PITPNB: variants seen among roughly 807,000 people sequenced by gnomAD.
The protein encoded by PITPNB is phosphatidylinositol transfer protein beta isoform.
In PITPNB, 16 loss-of-function variants were observed where a neutral mutation model predicts 45.9. The observed-to-expected ratio is 0.35, with a 90% CI of 0.24 to 0.53. PITPNB has a LOEUF of 0.53. PITPNB is among the 20% of genes least tolerant of loss of function. The pLI, the probability that PITPNB is intolerant of heterozygous loss-of-function variation, is 0.93. For missense variants in PITPNB, 188 were observed against 330.5 expected (o/e 0.57, Z 3.34); for synonymous variants, 112 against 108.9 (o/e 1.03, Z -0.18).
chr22:27,892,738 T>G (rs1445195861), intron 7 of PITPNB, among the ~76,000 whole-genome samples: 1 of 152,210 alleles, frequency 6.6e-6, no homozygotes, highest in Non-Finnish European at 1.5e-5. Flanking sequence ...AAAAACTCCC[T>G]ATATAATGTC....
chr22:27,895,826 G>A (rs946245871), intron 6 of PITPNB, among the ~76,000 whole-genome samples: 3 of 152,082 alleles, frequency 2.0e-5, no homozygotes, highest in Admixed American at 1.3e-4. Context: ...ATTCTGGTTC[G>A]GTAGTTCTTG....
intron 8 of PITPNB, among the ~76,000 whole-genome samples, chr22:27,867,247 G>A (rs1934510124): frequency 1.3e-5 from 2 of 152,012 alleles, no homozygotes; most frequent in Admixed American, 1.3e-4. Flanking sequence ...AACAGGAGAT[G>A]GAGGAGGTGG....
intron 3 of PITPNB, among the ~76,000 whole-genome samples, chr22:27,907,393 T>C (rs1293702046): frequency 2.6e-5 from 4 of 152,216 alleles, no homozygotes; most frequent in South Asian, 2.1e-4. Context: ...GCTTTCAATG[T>C]TGACACTGAG....
intron 8 of PITPNB, among the ~76,000 whole-genome samples, chr22:27,863,836 C>T (rs1366200587): frequency 6.6e-6 from 1 of 152,208 alleles, no homozygotes; most frequent in African/African-American, 2.4e-5. Context: ...TTCTCACATT[C>T]TTTCTAGTGA....
intron 2 of PITPNB, among the ~76,000 whole-genome samples, chr22:27,912,221 G>A (rs1005827924): frequency 2.0e-5 from 3 of 152,182 alleles, no homozygotes; most frequent in African/African-American, 7.2e-5. Flanking sequence ...AAATCACATG[G>A]AGATATGATG....
chr22:27,884,704 T>C (rs1441775300), intron 7 of PITPNB, among the ~76,000 whole-genome samples: 1 of 152,094 alleles, frequency 6.6e-6, no homozygotes, highest in Non-Finnish European at 1.5e-5. Context: ...AGGGGAAAAA[T>C]TTCATTCTCT....
At chr22:27,907,139 A>G (rs1400547155) in intron 3 of PITPNB, among the ~76,000 whole-genome samples, 1 of 152,192 alleles carries the variant, frequency 6.6e-6, no homozygotes, top group African/African-American at 2.4e-5. Context: ...GTTGTTGAAA[A>G]AGCAAACATA....
chr22:27,858,625 C>T, intron 9 of PITPNB, 116 bp from the exon 10 acceptor site: 1 of 695,870 alleles, frequency 1.4e-6, no homozygotes, highest in East Asian at 2.9e-5. Flanking sequence ...TTCAAAAAGA[C>T]TACTCTGTAG....
At chr22:27,898,917 T>C (rs1935513993) in intron 3 of PITPNB, among the ~76,000 whole-genome samples, 1 of 152,226 alleles carries the variant, frequency 6.6e-6, no homozygotes. Context: ...AAAATCAGTC[T>C]TAACAGTCTT....
intron 11 of PITPNB, among the ~76,000 whole-genome samples, chr22:27,854,024 T>C (rs1934102661): frequency 2.0e-5 from 3 of 152,160 alleles, no homozygotes; most frequent in African/African-American, 7.2e-5. Context: ...ACAACTAGCT[T>C]TTCTCACAAC....
chr22:27,862,495 G>A (rs1383474188), intron 8 of PITPNB, among the ~76,000 whole-genome samples: 1 of 152,108 alleles, frequency 6.6e-6, no homozygotes, highest in Non-Finnish European at 1.5e-5. Flanking sequence ...ACATCAACGA[G>A]GTAACACCAG....
At chr22:27,873,337 T>C (rs557642738) in intron 8 of PITPNB, among the ~76,000 whole-genome samples, 12 of 152,328 alleles carry the variant, frequency 7.9e-5, no homozygotes, top group African/African-American at 2.4e-4. Flanking sequence ...TCCAAAAATA[T>C]AACTATTAAA....
Position 27,853,402 on chromosome 22 carries a change from T to C in PITPNB, c.*300A>G, listed in dbSNP as rs1934082633. 2.0e-6 allele frequency: 1 copy of C among 489,212 alleles called. No homozygotes were observed. 30.3% of individuals were successfully genotyped at this position (489,212 alleles called of 1,614,324 possible). A position where few individuals can be genotyped will look rare whatever the true frequency, so the allele number is the denominator to read the frequency against. On this transcript the variant is annotated 3_prime_UTR_variant, in exon 12 of 12. Transcript: ENST00000335272. ...GATAGGTACAGTACTTTGGAGAAATTGTACTAATCCCTTCAGTATGTCTGT... is the reference window on the plus strand; with the variant it reads ...GATAGGTACAGTACTTTGGAGAAATCGTACTAATCCCTTCAGTATGTCTGT...
chr22:27,912,983 C>CCAA (rs1555892472), intron 2 of PITPNB, among the ~76,000 whole-genome samples: 2 of 33,644 alleles, frequency 5.9e-5, no homozygotes, highest in Admixed American at 3.6e-4. Context: ...ACTCCATCTC[C>CCAA]AAAAAAAAAA....
chr22:27,870,953 G>A (rs1417116390), intron 8 of PITPNB, among the ~76,000 whole-genome samples: 5 of 152,128 alleles, frequency 3.3e-5, no homozygotes, highest in Non-Finnish European at 7.4e-5. Context: ...AAGAGTAGCT[G>A]GATACACCAT....
chr22:27,858,561 A>C, intron 9 of PITPNB, 52 bp from the exon 10 acceptor site: 1 of 1,444,182 alleles, frequency 6.9e-7, no homozygotes, highest in South Asian at 1.2e-5. Flanking sequence ...ACCTAAGATT[A>C]ATGACACATT....
intron 8 of PITPNB, among the ~76,000 whole-genome samples, chr22:27,871,255 C>G (rs1330955013): frequency 6.6e-6 from 1 of 152,210 alleles, no homozygotes; most frequent in Non-Finnish European, 1.5e-5. Flanking sequence ...TATCAAACTA[C>G]TTTTGCTGCC....
intron 9 of PITPNB, among the ~76,000 whole-genome samples, chr22:27,859,880 G>A (rs910258799): frequency 6.6e-6 from 1 of 152,090 alleles, no homozygotes; most frequent in Non-Finnish European, 1.5e-5. Flanking sequence ...AGAAGCGCTG[G>A]GCAAACCATA....
chr22:27,903,767 C>T (rs1935678298), intron 3 of PITPNB, among the ~76,000 whole-genome samples: 1 of 135,686 alleles, frequency 7.4e-6, no homozygotes, highest in Admixed American at 7.9e-5. Context: ...CATAGTGAGA[C>T]CCTGTCTCCC....
Sources: allele counts gnomAD v4.1 joint callset (sites outside exome capture counted in the v4.1 genomes callset), GRCh38; gene constraint gnomAD v4.1.1; transcripts MANE v1.5; gene names NCBI Gene and HGNC (gene_info 2026-07-23, HGNC 2026-07-21).